The following KIF13A variants were observed in gnomAD, a reference collection of about 807,000 sequenced individuals.
KIF13A encodes kinesin-like protein KIF13A.
Under a neutral mutation model 212.2 loss-of-function variants are expected in KIF13A, and 79 were observed. The observed-to-expected ratio is 0.37, with a 90% CI of 0.31 to 0.45. KIF13A has a LOEUF of 0.45. KIF13A is among the 20% of genes least tolerant of loss of function. The probability of loss-of-function intolerance (pLI) is 1.00; values close to 1 mark genes in which losing one functional copy is unlikely to be tolerated. For missense variants in KIF13A, 1,901 were observed against 2,209.0 expected, an observed-to-expected ratio of 0.86 and a Z score of 2.79; for synonymous variants, 789 against 808.6, an observed-to-expected ratio of 0.98 and a Z score of 0.41.
intron 13 of KIF13A, among the ~76,000 whole-genome samples, chr6:17,830,048 G>A (rs1233690411): frequency 6.6e-6 from 1 of 152,202 alleles, no homozygotes; most frequent in Non-Finnish European, 1.5e-5. Context: ...GTGTGTATGT[G>A]TGAGATTAAA....
At chr6:17,822,040 C>CTTA in intron 16 of KIF13A, 13 of 615,898 alleles carry the variant, frequency 2.1e-5, no homozygotes, top group South Asian at 3.1e-5. Context: ...GGAAACATAA[C>CTTA]TTCTTTTTTT....
intron 22 of KIF13A, among the ~76,000 whole-genome samples, chr6:17,797,698 T>C (rs1277937082): frequency 1.3e-5 from 2 of 152,094 alleles, no homozygotes; most frequent in East Asian, 3.9e-4. Context: ...GACCAGGAGA[T>C]AGTGACCAGC....
intron 19 of KIF13A, among the ~76,000 whole-genome samples, chr6:17,804,747 A>C (rs1762784602): frequency 7.5e-6 from 1 of 132,760 alleles, no homozygotes; most frequent in South Asian, 2.6e-4. Context: ...CAGGAGACAG[A>C]GGTTTCAGTG....
At chr6:17,831,303 A>G in intron 12 of KIF13A, 68 bp from the exon 13 acceptor site, 3 of 1,548,648 alleles carry the variant, frequency 1.9e-6, no homozygotes, top group Non-Finnish European at 1.8e-6. Context: ...GTATCCACGG[A>G]AAGAGTAAGT....
chr6:17,793,962 C>A (rs1028466938), intron 25 of KIF13A, among the ~76,000 whole-genome samples: 4 of 151,694 alleles, frequency 2.6e-5, no homozygotes, highest in Non-Finnish European at 5.9e-5. Flanking sequence ...TCAGGTCAGG[C>A]AGTAATGCCA....
chr6:17,808,482 C>A (rs1293486248), intron 18 of KIF13A, among the ~76,000 whole-genome samples: 2 of 152,120 alleles, frequency 1.3e-5, no homozygotes, highest in Admixed American at 6.5e-5. Context: ...CAAAAAAAAG[C>A]AGGCAAAATA....
At position 17,951,884 on chromosome 6, in the gene KIF13A, C is replaced by G. The variant is rs1181862533; in HGVS notation, c.146+35170G>C. On this transcript the variant is annotated intron_variant, in intron 2 of 38. Transcript: ENST00000259711. The surrounding 1 kb of genome is among the most constrained non-coding windows in gnomAD (Gnocchi z 4.9). ...ACATTTGGTGACTCATTACAAAAAT[C>G]TTTTTTCTTAAAAGAATTTTTTGTA... Among the ~76,000 whole-genome samples, 1 of 152,118 alleles carries G rather than the reference C, an allele frequency of 6.6e-6. No homozygotes were observed. The highest frequency in any genetic ancestry group is 6.5e-5 in the Admixed American group (1 of 15,274).
chr6:17,883,590 T>C lies in KIF13A; in HGVS notation c.160-10153A>G, dbSNP rs1312784087. 6.6e-6 allele frequency among the ~76,000 whole-genome samples: 1 copy of C among 152,222 alleles called. No individual in the cohort carries two copies. Among genetic ancestry groups the C allele is most frequent in the African/African-American group, 2.4e-5 (1 of 41,464 alleles). ...GGTGTCACCCTACAGGCATTATTTT[T>C]GTGTTTACTGGATTCCCACTGCTTT... is the stretch of plus-strand genomic sequence containing the variant. On this transcript the variant is annotated intron_variant, in intron 3 of 38. Transcript: ENST00000259711. This position sits in a 1 kb window ranked among gnomAD's most constrained non-coding sequence, Gnocchi z 4.8.
intron 2 of KIF13A, among the ~76,000 whole-genome samples, chr6:17,932,802 A>AG (rs1776119572): frequency 1.1e-5 from 1 of 91,368 alleles, no homozygotes; most frequent in Admixed American, 9.9e-5. Context: ...GAGAATGGAA[A>AG]GAAAAAAAAA....
At chr6:17,802,397 T>C (rs572249647) in intron 20 of KIF13A, among the ~76,000 whole-genome samples, 42 of 151,822 alleles carry the variant, frequency 2.8e-4, no homozygotes, top group African/African-American at 9.4e-4. Context: ...GTTCAAGCCA[T>C]TCTCCTGCCT....
At chr6:17,861,433 T>C (rs1170035881) in intron 4 of KIF13A, among the ~76,000 whole-genome samples, 2 of 152,338 alleles carry the variant, frequency 1.3e-5, no homozygotes, top group East Asian at 1.9e-4. Context: ...TTCCCTACTA[T>C]GGATATTTAG....
intron 4 of KIF13A, among the ~76,000 whole-genome samples, chr6:17,867,912 C>A (rs543803052): frequency 3.9e-4 from 60 of 152,292 alleles, no homozygotes; most frequent in Admixed American, 7.2e-4. Flanking sequence ...CACATAAAAT[C>A]CCCCATGATG....
At position 17,971,863 on chromosome 6, in the gene KIF13A, T is replaced by C. The variant is rs78647896; in HGVS notation, c.146+15191A>G. Among the ~76,000 whole-genome samples, 2,930 of 152,270 alleles carry C rather than the reference T, an allele frequency of 0.019. 97 individuals are homozygous for C. The highest frequency in any genetic ancestry group is 0.067 in the African/African-American group (2,763 of 41,538). ...GAGCAAGGGCAGCTAACAGTCACTC[T>C]TGGAGGGAAAAAAACCAAAACTAGT... is the stretch of plus-strand genomic sequence containing the variant. On this transcript the variant is annotated intron_variant, in intron 2 of 38. Coordinates refer to ENST00000259711, the MANE Select transcript of KIF13A (RefSeq NM_022113.6). The surrounding 1 kb of genome is among the most constrained non-coding windows in gnomAD (Gnocchi z 4.2).
chr6:17,788,848 C>T (rs1475731577), intron 26 of KIF13A, among the ~76,000 whole-genome samples: 14 of 152,186 alleles, frequency 9.2e-5, no homozygotes, highest in African/African-American at 3.4e-4. Context: ...CCTCAGCCTC[C>T]CGAGTAGCTG....
rs1762320248 is a variant in KIF13A, at chr6:17,799,629, T to C, written c.2617-190A>G. On this transcript the variant is annotated intron_variant, in intron 21 of 38. Coordinates refer to ENST00000259711, the MANE Select transcript of KIF13A (RefSeq NM_022113.6). This position sits in a 1 kb window ranked among gnomAD's most constrained non-coding sequence, Gnocchi z 4.4. ...AATCTGTACCACAGTTCTGTAACTATAGTATATAAACTTGGCAACAAATAC... is the reference window on the plus strand; with the variant it reads ...AATCTGTACCACAGTTCTGTAACTACAGTATATAAACTTGGCAACAAATAC... Among the ~76,000 whole-genome samples, 2 of 152,142 alleles carry C rather than the reference T, an allele frequency of 1.3e-5. No individual in the cohort carries two copies. The highest frequency in any genetic ancestry group is 1.3e-4 in the Admixed American group (2 of 15,278).
intron 18 of KIF13A, among the ~76,000 whole-genome samples, chr6:17,808,242 C>T (rs554350581): frequency 1.1e-3 from 164 of 152,184 alleles, no homozygotes; most frequent in Non-Finnish European, 1.8e-3. Flanking sequence ...AAAAATTGGC[C>T]GGGTGTGCTA....
At position 17,816,262 on chromosome 6, in the gene KIF13A, G is replaced by A. The variant is rs1398259545; in HGVS notation, c.2000+758C>T. Among the ~76,000 whole-genome samples, 1 of 151,880 alleles carries A rather than the reference G, an allele frequency of 6.6e-6. No individual in the cohort carries two copies. The highest frequency in any genetic ancestry group is 1.9e-4 in the East Asian group (1 of 5,172). On this transcript the variant is annotated intron_variant, in intron 17 of 38. Transcript: ENST00000259711. The surrounding 1 kb of genome is among the most constrained non-coding windows in gnomAD (Gnocchi z 4.3). The stretch of plus-strand genomic sequence containing the variant: ...CCTGTCACCCAGGCTGGAGTGTGGT[G>A]GCATGATCGCAGCTCACTAAAGCCT...
At position 17,785,213 on chromosome 6, in the gene KIF13A, C is replaced by A. The variant is rs536992020; in HGVS notation, c.3488+302G>T. Among the ~76,000 whole-genome samples the A allele has an allele frequency of 6.6e-5, 10 of 152,240 alleles. No individual in the cohort carries two copies. The South Asian group carries it at 1.0e-3, about 16-fold the overall frequency. ...CTGTCCTATTCAAATACTTTCCAGC[C>A]AAGATAAAAGAGTTTCTGGGCATCA... On this transcript the variant is annotated intron_variant, in intron 28 of 38. Coordinates refer to ENST00000259711, the MANE Select transcript of KIF13A (RefSeq NM_022113.6). The surrounding 1 kb of genome is among the most constrained non-coding windows in gnomAD (Gnocchi z 5.8).
chr6:17,862,864 C>T (rs944029912), intron 4 of KIF13A, among the ~76,000 whole-genome samples: 58 of 152,264 alleles, frequency 3.8e-4, no homozygotes, highest in African/African-American at 1.3e-3. Flanking sequence ...AGGAGAATGG[C>T]GTGAACCCGG....
Sources: gnomAD v4.1 joint callset for allele counts (sites outside exome capture counted in the v4.1 genomes callset) on GRCh38, gnomAD v4.1.1 for gene constraint, Gnocchi (gnomAD v3.1) non-coding constraint, MANE v1.5 for transcripts, NCBI Gene and HGNC (gene_info 2026-07-23, HGNC 2026-07-21) for gene names.